The following TEAD1 variants were observed in gnomAD, a reference collection of about 807,000 sequenced individuals.
The protein encoded by TEAD1 is transcriptional enhancer factor TEF-1.
Under a neutral mutation model 54.9 loss-of-function variants are expected in TEAD1, and 9 were observed. That is an observed-to-expected ratio of 0.16 (90% CI 0.10 to 0.29). The LOEUF (loss-of-function observed/expected upper bound fraction) is 0.29, where lower values mean the gene tolerates loss of function less well. Among genes scored for constraint, TEAD1 ranks in the 10% least tolerant of loss-of-function variants. The probability of loss-of-function intolerance (pLI) is 1.00; values close to 1 mark genes in which losing one functional copy is unlikely to be tolerated. For missense variants in TEAD1, 387 were observed against 535.9 expected (o/e 0.72, Z 2.74); for synonymous variants, 200 against 187.8 (o/e 1.07, Z -0.53).
chr11:12,790,169 C>G (rs1052162337), intron 3 of TEAD1, among the ~76,000 whole-genome samples: 2 of 152,210 alleles, frequency 1.3e-5, no homozygotes, highest in Admixed American at 6.5e-5. Flanking sequence ...AGAGTGGGGC[C>G]GTGCTACCTA....
chr11:12,702,644 A>AT (rs1354835614), intron 2 of TEAD1, among the ~76,000 whole-genome samples: 1 of 151,934 alleles, frequency 6.6e-6, no homozygotes, highest in East Asian at 1.9e-4. Context: ...TCCGTGAAAC[A>AT]TTTCCCTTTC....
At chr11:12,758,218 C>T (rs1271972630) in intron 2 of TEAD1, among the ~76,000 whole-genome samples, 1 of 150,640 alleles carries the variant, frequency 6.6e-6, no homozygotes, top group Non-Finnish European at 1.5e-5. Context: ...AACCAACTCA[C>T]TAAGTTTTTG....
intron 2 of TEAD1, among the ~76,000 whole-genome samples, chr11:12,683,333 A>G (rs1380536345): frequency 3.9e-5 from 6 of 152,246 alleles, no homozygotes; most frequent in African/African-American, 9.6e-5. Flanking sequence ...TTGCATCTCT[A>G]GTCCTAAGGA....
intron 3 of TEAD1, among the ~76,000 whole-genome samples, chr11:12,782,920 C>T (rs545848865): frequency 9.2e-5 from 14 of 152,222 alleles, no homozygotes; most frequent in African/African-American, 3.1e-4. Context: ...GGTGCAAGAG[C>T]CTGATACCCT....
Position 12,729,426 on chromosome 11 carries a change from A to G in TEAD1, c.-54-34753A>G, listed in dbSNP as rs114572762. On this transcript the variant is annotated intron_variant, in intron 2 of 12. Transcript: ENST00000527636. ...GTCCCAGGCAATGCCATGCTGGTCT[A>G]TGGACTACACTTGAAGTAGCAGGGG... Among the ~76,000 whole-genome samples the G allele has an allele frequency of 7.9e-3, 1,197 of 152,342 alleles. 21 individuals are homozygous for G. Among genetic ancestry groups the G allele is most frequent in the African/African-American group, 0.027 (1,141 of 41,574 alleles).
At chr11:12,927,242 G>A (rs1948919114) in intron 11 of TEAD1, among the ~76,000 whole-genome samples, 2 of 152,208 alleles carry the variant, frequency 1.3e-5, no homozygotes, top group African/African-American at 4.8e-5. Context: ...TGCATTTGGT[G>A]TGAAGTAGTA....
At chr11:12,812,995 GC>G (rs1946337322) in intron 3 of TEAD1, among the ~76,000 whole-genome samples, 1 of 152,246 alleles carries the variant, frequency 6.6e-6, no homozygotes, top group Non-Finnish European at 1.5e-5. Context: ...GTCTGTCTGA[GC>G]AGGGAGAATG....
chr11:12,726,735 G>T (rs936354074), intron 2 of TEAD1, among the ~76,000 whole-genome samples: 2 of 152,112 alleles, frequency 1.3e-5, no homozygotes, highest in African/African-American at 4.8e-5. Flanking sequence ...TGCGCCTGTA[G>T]TCCCAGCTAC....
chr11:12,805,788 C>T (rs936364640), intron 3 of TEAD1, among the ~76,000 whole-genome samples: 1 of 152,214 alleles, frequency 6.6e-6, no homozygotes, highest in Admixed American at 6.5e-5. Flanking sequence ...TTGATTGATA[C>T]ACCTTGTACC....
At chr11:12,805,621 G>C (rs536679876) in intron 3 of TEAD1, among the ~76,000 whole-genome samples, 1 of 152,252 alleles carries the variant, frequency 6.6e-6, no homozygotes, top group South Asian at 2.1e-4. Flanking sequence ...ATCCCAGATT[G>C]CTATGAGAGA....
At chr11:12,929,308 T>C (rs1459859882) in intron 11 of TEAD1, among the ~76,000 whole-genome samples, 1 of 152,100 alleles carries the variant, frequency 6.6e-6, no homozygotes, top group African/African-American at 2.4e-5. Flanking sequence ...ATGAAGAGTT[T>C]ATTTTGTCTG....
At chr11:12,744,972 C>T (rs1444818920) in intron 2 of TEAD1, among the ~76,000 whole-genome samples, 1 of 152,146 alleles carries the variant, frequency 6.6e-6, no homozygotes, top group Non-Finnish European at 1.5e-5. Flanking sequence ...CTGTGCTCTG[C>T]TCTGCTGGCT....
intron 3 of TEAD1, among the ~76,000 whole-genome samples, chr11:12,848,166 TC>T (rs1947195817): frequency 6.6e-6 from 1 of 152,186 alleles, no homozygotes; most frequent in Admixed American, 6.5e-5. Context: ...TCATTTCTCT[TC>T]CTAGACCATA....
chr11:12,713,076 G>GTGGGATGA (rs2133854425), intron 2 of TEAD1, among the ~76,000 whole-genome samples: 1 of 152,340 alleles, frequency 6.6e-6, no homozygotes, highest in South Asian at 2.1e-4. Flanking sequence ...CTGGAGTGCA[G>GTGGGATGA]TGGGATGATC....
rs1324523441 is a variant in TEAD1 at position 12,875,425 on chromosome 11, A to C, written c.331-4283A>C. Among the ~76,000 whole-genome samples, 4 of 152,214 alleles carry C rather than the reference A, an allele frequency of 2.6e-5. No homozygotes were observed. The East Asian group carries it at 7.7e-4, about 29-fold the overall frequency. ...TTCCATTGAAATCTCTTAGCTTGGC[A>C]TTCTTTCAAATTCCCGTTTCAGGAT... On this transcript the variant is annotated intron_variant, in intron 5 of 12. Transcript: ENST00000527636.
intron 3 of TEAD1, among the ~76,000 whole-genome samples, chr11:12,784,839 G>A (rs980590314): frequency 6.6e-6 from 1 of 152,148 alleles, no homozygotes; most frequent in African/African-American, 2.4e-5. Flanking sequence ...GCTGAGCTCC[G>A]TTTGGAGTTT....
At chr11:12,886,695 T>C (rs976844075) in intron 9 of TEAD1, among the ~76,000 whole-genome samples, 1 of 151,872 alleles carries the variant, frequency 6.6e-6, no homozygotes, top group Non-Finnish European at 1.5e-5. Flanking sequence ...GGGGTCTTAC[T>C]GTGTTGCCCA....
intron 3 of TEAD1, among the ~76,000 whole-genome samples, chr11:12,799,393 C>T (rs2133973472): frequency 6.6e-6 from 1 of 152,250 alleles, no homozygotes; most frequent in Non-Finnish European, 1.5e-5. Flanking sequence ...GCCTGTGATT[C>T]CCAATTAGGT....
chr11:12,674,444 TCGCGC>T lies in TEAD1; in HGVS notation c.-584_-580del, dbSNP rs1002920389. 3 of 150,328 alleles carry T rather than the reference TCGCGC, an allele frequency of 2.0e-5. No individual in the cohort carries two copies. Among genetic ancestry groups the T allele is most frequent in the Non-Finnish European group, 4.4e-5 (3 of 67,472 alleles). 9.3% of individuals were successfully genotyped at this position (150,328 alleles called of 1,614,324 possible). On this transcript the variant is annotated 5_prime_UTR_variant, in exon 1 of 13. Coordinates refer to ENST00000527636, the MANE Select transcript of TEAD1 (RefSeq NM_021961.6). The stretch of plus-strand genomic sequence containing the variant: ...TCATTCCGAACATTCTTAGCATCGC[TCGCGC>T]CGCGCCGCGCCGCCTGAGCCGAGCC...
Sources: gnomAD v4.1 joint callset for allele counts (sites outside exome capture counted in the v4.1 genomes callset) on GRCh38, gnomAD v4.1.1 for gene constraint, MANE v1.5 for transcripts, NCBI Gene and HGNC (gene_info 2026-07-23, HGNC 2026-07-21) for gene names.